The following TAFA3 variants were observed in gnomAD, a reference collection of about 807,000 sequenced individuals.
TAFA3 encodes the protein TAFA chemokine like family member 3, also known as chemokine-like protein TAFA-3.
A neutral mutation model predicts 20.7 loss-of-function variants in TAFA3; 17 were observed. That is an observed-to-expected ratio of 0.82 (90% CI 0.56 to 1.23). TAFA3 has a LOEUF of 1.23. Ranked by LOEUF, TAFA3 falls within the 50% of genes most tolerant of loss-of-function variation. The probability of loss-of-function intolerance (pLI) is 0.00; values close to 1 mark genes in which losing one functional copy is unlikely to be tolerated. For synonymous variants in TAFA3, 74 were observed against 71.8 expected (o/e 1.03, Z -0.16); for missense variants, 174 against 172.8 (o/e 1.01, Z -0.04).
intron 5 of TAFA3, among the ~76,000 whole-genome samples, chr1:112,724,815 GCAAAAAAA>G (rs1675424387): frequency 1.3e-4 from 1 of 7,666 alleles, no homozygotes; most frequent in African/African-American, 5.2e-4. Context: ...TATTAGAGCA[GCAAAAAAA>G]AAAAAAAAAA....
rs991753512 is a variant in TAFA3, at chr1:112,718,941, T to C, written c.-418T>C. ...GGAGGCGGCGGCGCCCACGCGGGGC[T>C]GGAGGAGCGGGGGTAGCCCGGGGCG... On this transcript the variant is annotated 5_prime_UTR_variant, in exon 1 of 6. Transcript: ENST00000361886. Among the ~76,000 whole-genome samples, 3 of 152,176 alleles carry C rather than the reference T, an allele frequency of 2.0e-5. No homozygotes were observed. Among genetic ancestry groups the C allele is most frequent in the Non-Finnish European group, 4.4e-5 (3 of 68,012 alleles).
Position 112,726,755 on chromosome 1 carries a change from G to A in TAFA3, c.*115G>A, listed in dbSNP as rs1173504832. On this transcript the variant is annotated 3_prime_UTR_variant, in exon 6 of 6. Transcript: ENST00000361886. ...TTCACTTACATGCCTCATGTCAAAT[G>A]CAGCATCAGTCTTTCCGGGGCATTT... 5 of 1,519,316 alleles carry A rather than the reference G, an allele frequency of 3.3e-6. No individual in the cohort carries two copies. Among genetic ancestry groups the A allele is most frequent in the Non-Finnish European group, 4.6e-6 (5 of 1,095,510 alleles). 94.1% of individuals were successfully genotyped at this position (1,519,316 alleles called of 1,614,324 possible).
intron 5 of TAFA3, 100 bp from the exon 6 acceptor site, chr1:112,726,529 A>C (rs907030334): frequency 5.6e-6 from 7 of 1,248,084 alleles, no homozygotes; most frequent in Non-Finnish European, 7.0e-6. Flanking sequence ...GATTGGCAGC[A>C]ATGTCCTCTA....
intron 5 of TAFA3, among the ~76,000 whole-genome samples, chr1:112,726,411 C>T (rs966645222): frequency 9.9e-5 from 15 of 152,140 alleles, no homozygotes; most frequent in African/African-American, 3.4e-4. Flanking sequence ...GAAGTGCTTG[C>T]AATTTGGGTA....
At position 112,719,001 on chromosome 1, in the gene TAFA3, GGC is replaced by G. The variant is rs1675266984; in HGVS notation, c.-357_-356del. 6.6e-6 allele frequency among the ~76,000 whole-genome samples: 1 copy of G among 152,210 alleles called. No homozygotes were observed. The highest frequency in any genetic ancestry group is 2.1e-4 in the South Asian group (1 of 4,834). The stretch of plus-strand genomic sequence containing the variant: ...TTGCGGCGGCGGCTGCGCGCTCCCC[GGC>G]CTGCCGGCAGGAACCTTGGAAAAAA... On this transcript the variant is annotated 5_prime_UTR_variant, in exon 1 of 6. Coordinates refer to ENST00000361886, the MANE Select transcript of TAFA3 (RefSeq NM_182759.3).
At position 112,719,161 on chromosome 1, in the gene TAFA3, G is replaced by T. The variant is rs1336757463; in HGVS notation, c.-198G>T. On this transcript the variant is annotated 5_prime_UTR_variant, in exon 1 of 6. Transcript: ENST00000361886. ...CGGGGGCGCAGCAACTTGGTGAAGG[G>T]GACAGGGCTCCGGACTAGACAGCAC... Among the ~76,000 whole-genome samples, 1 of 152,242 alleles carries T rather than the reference G, an allele frequency of 6.6e-6. No individual in the cohort carries two copies. The highest frequency in any genetic ancestry group is 1.9e-4 in the East Asian group (1 of 5,200).
At chr1:112,722,573 C>A (rs1306744294) in intron 3 of TAFA3, among the ~76,000 whole-genome samples, 2 of 152,196 alleles carry the variant, frequency 1.3e-5, no homozygotes, top group South Asian at 2.1e-4. Flanking sequence ...ACCTCTCCTT[C>A]CAGGCTGGAA....
rs920540338 is a variant in TAFA3 at position 112,718,933 on chromosome 1, C to G, written c.-426C>G. ...GTCCCGAAGGAGGCGGCGGCGCCCACGCGGGGCTGGAGGAGCGGGGGTAGC... is the reference window on the plus strand; with the variant it reads ...GTCCCGAAGGAGGCGGCGGCGCCCAGGCGGGGCTGGAGGAGCGGGGGTAGC... On this transcript the variant is annotated 5_prime_UTR_variant, in exon 1 of 6. Coordinates refer to ENST00000361886, the MANE Select transcript of TAFA3 (RefSeq NM_182759.3). Among the ~76,000 whole-genome samples, 1 of 152,192 alleles carries G rather than the reference C, an allele frequency of 6.6e-6. No individual in the cohort carries two copies. The highest frequency in any genetic ancestry group is 1.5e-5 in the Non-Finnish European group (1 of 68,016).
Position 112,726,654 on chromosome 1 carries a change from C to T in TAFA3, c.*14C>T, listed in dbSNP as rs111766819. 84 of 1,613,744 alleles carry T rather than the reference C, an allele frequency of 5.2e-5. No individual in the cohort carries two copies. The highest frequency in any genetic ancestry group is 1.6e-4 in the African/African-American group (12 of 74,882). On this transcript the variant is annotated 3_prime_UTR_variant, in exon 6 of 6. Coordinates refer to ENST00000361886, the MANE Select transcript of TAFA3 (RefSeq NM_182759.3). ...GTCACACGATAGCTCTTGGGGGTCA[C>T]GGCCTGGACAAGAAAGGCTTGACTG...
chr1:112,725,110 C>CTA (rs984091468), intron 5 of TAFA3, among the ~76,000 whole-genome samples: 15 of 152,100 alleles, frequency 9.9e-5, no homozygotes, highest in African/African-American at 3.6e-4. Flanking sequence ...GGCCATGATC[C>CTA]TAAGGGACTT....
intron 5 of TAFA3, among the ~76,000 whole-genome samples, chr1:112,725,088 G>A (rs952145017): frequency 6.6e-6 from 1 of 152,128 alleles, no homozygotes; most frequent in Non-Finnish European, 1.5e-5. Flanking sequence ...TAACACCCTG[G>A]TTGCAGCTGA....
Position 112,723,025 on chromosome 1 carries a change from A to G in TAFA3, c.125A>G (p.Gln42Arg), listed in dbSNP as rs1312358420. The part of the protein sequence containing the change: ...LQPPTATVLV[Q>R]QGTCEVIAAH... ...GGGCGGCTCCCCTCAGTGCTTGTGCAGCAGGGCACCTGCGAGGTGATTGCG... is the reference window on the plus strand; with the variant it reads ...GGGCGGCTCCCCTCAGTGCTTGTGCGGCAGGGCACCTGCGAGGTGATTGCG... Residue 42 changes from glutamine to arginine, a missense_variant, in exon 4 of 6, where the codon CAG becomes CGG. Coordinates refer to ENST00000361886, the MANE Select transcript of TAFA3 (RefSeq NM_182759.3). 1 of 1,612,042 alleles carries G rather than the reference A, an allele frequency of 6.2e-7. No homozygotes were observed. The highest frequency in any genetic ancestry group is 1.3e-5 in the African/African-American group (1 of 75,026).
chr1:112,721,053 G>A (rs1048281304), intron 2 of TAFA3, among the ~76,000 whole-genome samples: 5 of 152,154 alleles, frequency 3.3e-5, no homozygotes, highest in Non-Finnish European at 7.3e-5. Context: ...GCCTGGCCTT[G>A]GGCAAGTCAT....
At chr1:112,723,485 C>T (rs1675382498) in intron 4 of TAFA3, among the ~76,000 whole-genome samples, 2 of 152,138 alleles carry the variant, frequency 1.3e-5, no homozygotes, top group African/African-American at 4.8e-5. Context: ...TGCTCCTTCC[C>T]CTGGCTGTCT....
chr1:112,720,094 G>A (rs1017523345), intron 1 of TAFA3, among the ~76,000 whole-genome samples: 5 of 152,176 alleles, frequency 3.3e-5, no homozygotes, highest in African/African-American at 9.7e-5. Context: ...GGGGGCAAGG[G>A]ATGCTAAGCC....
chr1:112,724,133 C>T lies in TAFA3; in HGVS notation c.386C>T (p.Thr129Ile), dbSNP rs1163126408. Residue 129 changes from threonine to isoleucine, a missense_variant, in exon 5 of 6, where the codon ACC becomes ATC. Physicochemically the swap from Thr to Ile is moderately conservative, Grantham distance 89. Transcript: ENST00000361886. ...SCSSGHKVKTTKVTR is the reference protein window; with the variant it reads ...SCSSGHKVKTIKVTR The stretch of plus-strand genomic sequence containing the variant: ...AGCAGTGGACACAAAGTCAAAACCA[C>T]CAAGGTACCCTGGGTGGGCACCTCA... 1 of 1,598,520 alleles carries T rather than the reference C, an allele frequency of 6.3e-7. No homozygotes were observed. The highest frequency in any genetic ancestry group is 1.7e-5 in the Admixed American group (1 of 59,028).
In TAFA3 at chr1:112,723,023, G is replaced by A. The variant is rs765006924; in HGVS notation, c.123G>A (p.Val41=). 1.9e-6 allele frequency: 3 copies of A among 1,611,796 alleles called. No individual in the cohort carries two copies. The highest frequency in any genetic ancestry group is 3.3e-5 in the Admixed American group (2 of 59,894). ...CTGGGCGGCTCCCCTCAGTGCTTGT[G>A]CAGCAGGGCACCTGCGAGGTGATTG... The part of the protein sequence containing the change: ...ALQPPTATVL[V]QQGTCEVIAA... The change falls in exon 4 of 6, where the codon GTG becomes GTA. Residue 41 remains valine, a synonymous_variant. Coordinates refer to ENST00000361886, the MANE Select transcript of TAFA3 (RefSeq NM_182759.3).
intron 5 of TAFA3, among the ~76,000 whole-genome samples, chr1:112,725,330 T>G (rs1243660911): frequency 6.7e-6 from 1 of 148,734 alleles, no homozygotes; most frequent in Non-Finnish European, 1.5e-5. Flanking sequence ...CTCAGTGTCA[T>G]GCAATATACT....
intron 5 of TAFA3, among the ~76,000 whole-genome samples, chr1:112,725,815 C>T (rs924797452): frequency 6.6e-6 from 1 of 152,156 alleles, no homozygotes; most frequent in East Asian, 1.9e-4. Flanking sequence ...CCTCCCACCA[C>T]ACACAGCAAA....
Sources: allele counts gnomAD v4.1 joint callset (sites outside exome capture counted in the v4.1 genomes callset), GRCh38; gene constraint gnomAD v4.1.1; transcripts MANE v1.5; gene names NCBI Gene and HGNC (gene_info 2026-07-23, HGNC 2026-07-21).